IGFL2: variants seen among roughly 807,000 people sequenced by gnomAD.
The protein encoded by IGFL2 is insulin growth factor-like family member 2.
In IGFL2, 7 loss-of-function variants were observed where a neutral mutation model predicts 13.9. The observed-to-expected ratio is 0.51, with a 90% confidence interval of 0.29 to 0.95. IGFL2 has a LOEUF of 0.95. Among genes scored for constraint, IGFL2 ranks in the 40% least tolerant of loss-of-function variants. The pLI is 0.08. For synonymous variants in IGFL2, 55 were observed against 55.8 expected, an observed-to-expected ratio of 0.99 and a Z score of 0.07; for missense variants, 138 against 147.8, an observed-to-expected ratio of 0.93 and a Z score of 0.34.
the IGFL2 span, among the ~76,000 whole-genome samples, chr19:46,115,039 T>C: frequency 2.5e-4 from 38 of 152,318 alleles, no homozygotes; most frequent in East Asian, 6.9e-3. Flanking sequence ...GTATCACACC[T>C]ATGTTCATCC....
At chr19:46,197,297 T>C in the IGFL2 span, 1 of 188,286 alleles carries the variant, frequency 5.3e-6, no homozygotes, top group South Asian at 1.3e-4. Context: ...TGAGGTCCTG[T>C]CTCCTCCATG....
At chr19:46,094,489 G>GT in the IGFL2 span, among the ~76,000 whole-genome samples, 1 of 150,756 alleles carries the variant, frequency 6.6e-6, no homozygotes, top group Non-Finnish European at 1.5e-5. Context: ...CTGTAATTTT[G>GT]TTTTTTTCTT....
the IGFL2 span, among the ~76,000 whole-genome samples, chr19:46,103,314 CA>C: frequency 6.6e-6 from 1 of 151,982 alleles, no homozygotes; most frequent in Non-Finnish European, 1.5e-5. Flanking sequence ...AAAAGAAATG[CA>C]AAGCCAACAA....
chr19:46,083,529 G>C, the IGFL2 span, among the ~76,000 whole-genome samples: 1 of 152,294 alleles, frequency 6.6e-6, no homozygotes, highest in African/African-American at 2.4e-5. Context: ...GAGAGGAGGT[G>C]CGATGAGAGA....
chr19:46,143,501 A>T (rs904626730), upstream of IGFL2, among the ~76,000 whole-genome samples: 9 of 151,704 alleles, frequency 5.9e-5, no homozygotes, highest in Non-Finnish European at 1.3e-4. Context: ...CCTGGGCTCA[A>T]GCAATCCTCC....
At chr19:46,108,129 G>A in the IGFL2 span, among the ~76,000 whole-genome samples, 1 of 152,118 alleles carries the variant, frequency 6.6e-6, no homozygotes, top group Non-Finnish European at 1.5e-5. Context: ...GGCTCAGCCT[G>A]GCGAGGAGCA....
At chr19:46,172,519 G>T in the IGFL2 span, among the ~76,000 whole-genome samples, 4 of 152,028 alleles carry the variant, frequency 2.6e-5, no homozygotes, top group Non-Finnish European at 5.9e-5. Flanking sequence ...GTTCTGTTAC[G>T]TTCCCCAGGC....
At chr19:46,101,562 C>A in the IGFL2 span, among the ~76,000 whole-genome samples, 1 of 152,278 alleles carries the variant, frequency 6.6e-6, no homozygotes, top group African/African-American at 2.4e-5. Context: ...GACATCCAAT[C>A]TCCCTGGCAC....
chr19:46,208,131 G>C, the IGFL2 span: 4 of 152,280 alleles, frequency 2.6e-5, no homozygotes, highest in Non-Finnish European at 5.9e-5. Flanking sequence ...CTGCATGACT[G>C]TTCATCTCTC....
the IGFL2 span, among the ~76,000 whole-genome samples, chr19:46,193,287 T>G: frequency 4.6e-5 from 7 of 152,290 alleles, no homozygotes; most frequent in South Asian, 6.2e-4. Flanking sequence ...GTCGTCCCGC[T>G]CTGTCCTGCC....
the IGFL2 span, among the ~76,000 whole-genome samples, chr19:46,086,105 C>T: frequency 2.6e-5 from 4 of 151,758 alleles, no homozygotes; most frequent in Admixed American, 6.6e-5. Flanking sequence ...ATTTTTGAAG[C>T]CTTTGAGTGT....
chr19:46,138,916 C>T (rs1325373420), upstream of IGFL2, among the ~76,000 whole-genome samples: 1 of 152,166 alleles, frequency 6.6e-6, no homozygotes, highest in Non-Finnish European at 1.5e-5. Context: ...CCTGTCCATG[C>T]TCCACTGCAG....
At chr19:46,174,739 C>A in the IGFL2 span, among the ~76,000 whole-genome samples, 1 of 152,194 alleles carries the variant, frequency 6.6e-6, no homozygotes, top group Non-Finnish European at 1.5e-5. Flanking sequence ...GTCTCTCAGA[C>A]CCTCTTTGGA....
chr19:46,143,197 T>C (rs1972936604), upstream of IGFL2: 2 of 152,376 alleles, frequency 1.3e-5, no homozygotes, highest in African/African-American at 4.8e-5. Flanking sequence ...GATGATCCAC[T>C]TCCACTGAAC....
the IGFL2 span, among the ~76,000 whole-genome samples, chr19:46,169,275 A>C: frequency 6.6e-6 from 1 of 152,228 alleles, no homozygotes; most frequent in Non-Finnish European, 1.5e-5. Flanking sequence ...TGCCCAATCC[A>C]ATATAAATTG....
the IGFL2 span, among the ~76,000 whole-genome samples, chr19:46,188,422 C>G: frequency 3.9e-5 from 6 of 152,178 alleles, no homozygotes; most frequent in East Asian, 3.9e-4. Context: ...CCGCCCCCCC[C>G]ACTCTCCTCT....
At chr19:46,205,955 G>T in the IGFL2 span, among the ~76,000 whole-genome samples, 58 of 152,304 alleles carry the variant, frequency 3.8e-4, no homozygotes, top group African/African-American at 1.3e-3. Context: ...TGCATTGGAG[G>T]TGACTGAGGA....
the IGFL2 span, among the ~76,000 whole-genome samples, chr19:46,114,054 T>C: frequency 1.3e-5 from 2 of 152,172 alleles, no homozygotes; most frequent in Non-Finnish European, 2.9e-5. Context: ...TTGCTGTAAG[T>C]CACACTTGTA....
chr19:46,172,492 AT>A, the IGFL2 span, among the ~76,000 whole-genome samples: 1 of 152,008 alleles, frequency 6.6e-6, no homozygotes, highest in South Asian at 2.1e-4. Flanking sequence ...AGTGGAAGAA[AT>A]TTTTTTTCAG....
Sources: gnomAD v4.1 joint callset for allele counts (sites outside exome capture counted in the v4.1 genomes callset) on GRCh38, gnomAD v4.1.1 for gene constraint, MANE v1.5 for transcripts, NCBI Gene and HGNC (gene_info 2026-07-23, HGNC 2026-07-21) for gene names.